CHD9: variants seen among roughly 807,000 people sequenced by gnomAD.
CHD9 encodes the protein ATP-dependent chromatin remodeler CHD9.
CHD9 carries 77 observed loss-of-function variants against 316.1 expected under a neutral mutation model. The observed-to-expected ratio is 0.24, with a 90% confidence interval of 0.20 to 0.29. CHD9 has a LOEUF of 0.29. Among genes scored for constraint, CHD9 ranks in the 10% least tolerant of loss-of-function variants. The pLI, the probability that CHD9 is intolerant of heterozygous loss-of-function variation, is 1.00. For missense variants in CHD9, 2,763 were observed against 3,438.1 expected (o/e 0.80, Z 4.91); for synonymous variants, 1,129 against 1,158.3 (o/e 0.97, Z 0.51).
At chr16:53,095,624 A>G (rs2036312651) in intron 1 of CHD9, among the ~76,000 whole-genome samples, 1 of 152,160 alleles carries the variant, frequency 6.6e-6, no homozygotes, top group South Asian at 2.1e-4. Context: ...CTTTTTTCTC[A>G]TAATATTATG....
intron 2 of CHD9, among the ~76,000 whole-genome samples, chr16:53,184,102 G>A (rs758621626): frequency 6.6e-6 from 1 of 151,836 alleles, no homozygotes; most frequent in African/African-American, 2.4e-5. Flanking sequence ...CCGGCACCAC[G>A]CCCGGCTAAT....
intron 1 of CHD9, among the ~76,000 whole-genome samples, chr16:53,074,817 C>G (rs2152522360): frequency 6.6e-6 from 1 of 152,358 alleles, no homozygotes; most frequent in South Asian, 2.1e-4. Context: ...CTCATGGGAA[C>G]CTCTGCTAGG....
chr16:53,147,814 T>A (rs770915826), intron 1 of CHD9, among the ~76,000 whole-genome samples: 4 of 152,236 alleles, frequency 2.6e-5, no homozygotes, highest in Non-Finnish European at 4.4e-5. Context: ...GTTCTCTGTT[T>A]GAGTCCCTAT....
At chr16:53,061,569 G>T (rs2032907453) in intron 1 of CHD9, among the ~76,000 whole-genome samples, 1 of 152,166 alleles carries the variant, frequency 6.6e-6, no homozygotes, top group Non-Finnish European at 1.5e-5. Flanking sequence ...AGGTGTTGAT[G>T]AGTGAGTTAC....
At chr16:53,247,749 C>G (rs2049757735) in intron 16 of CHD9, 1 of 366,766 alleles carries the variant, frequency 2.7e-6, no homozygotes, top group Admixed American at 4.4e-5. Flanking sequence ...TTTGTTTACC[C>G]AGGAATGGGT....
intron 2 of CHD9, among the ~76,000 whole-genome samples, chr16:53,204,056 TATACAC>T (rs1205556694): frequency 1.4e-4 from 16 of 111,458 alleles, no homozygotes; most frequent in East Asian, 5.5e-4. Flanking sequence ...AAAATATATA[TATACAC>T]ACACACACAC....
chr16:53,149,049 A>G (rs1390518335), intron 1 of CHD9, among the ~76,000 whole-genome samples: 1 of 152,008 alleles, frequency 6.6e-6, no homozygotes, highest in Non-Finnish European at 1.5e-5. Context: ...TAATTTTTAC[A>G]TATTTGTGAT....
At chr16:53,164,258 A>G (rs992231967) in intron 2 of CHD9, among the ~76,000 whole-genome samples, 1 of 152,170 alleles carries the variant, frequency 6.6e-6, no homozygotes, top group Admixed American at 6.5e-5. Flanking sequence ...GGAAGAACCA[A>G]TGCCAAAAGA....
chr16:53,277,155 A>G (rs1439080499), intron 24 of CHD9, among the ~76,000 whole-genome samples: 1 of 152,278 alleles, frequency 6.6e-6, no homozygotes, highest in African/African-American at 2.4e-5. Context: ...CAGATGGATT[A>G]ACAGCTGAAT....
intron 24 of CHD9, among the ~76,000 whole-genome samples, chr16:53,281,166 A>G (rs2053378492): frequency 6.6e-6 from 1 of 151,980 alleles, no homozygotes; most frequent in East Asian, 1.9e-4. Context: ...TTCTCCCAGA[A>G]CTCTTTCTTG....
chr16:53,200,320 A>G (rs1454918920), intron 2 of CHD9, among the ~76,000 whole-genome samples: 3 of 150,648 alleles, frequency 2.0e-5, no homozygotes, highest in African/African-American at 4.9e-5. Context: ...GCAGTGAGCC[A>G]AGATCACACC....
At chr16:53,302,795 A>G (rs763418627) in intron 30 of CHD9, among the ~76,000 whole-genome samples, 1 of 152,168 alleles carries the variant, frequency 6.6e-6, no homozygotes, top group Non-Finnish European at 1.5e-5. Context: ...CATATTTGGC[A>G]TTAGGAGCTG....
In CHD9 at chr16:53,267,287, T is replaced by G. The variant is rs771966317; in HGVS notation, c.4321-7T>G. On this transcript the variant is annotated splice_region_variant and splice_polypyrimidine_tract_variant and intron_variant, in intron 20 of 38. Coordinates refer to ENST00000447540, the MANE Select transcript of CHD9 (RefSeq NM_001308319.2). ...TACCTTCAGGTAATAGCAGTTCTGT[T>G]TTACAGAACAGCTTGGTTATTGACA... 7.6e-6 allele frequency: 12 copies of G among 1,584,584 alleles called. No homozygotes were observed. Among genetic ancestry groups the G allele is most frequent in the Non-Finnish European group, 1.0e-5 (12 of 1,163,686 alleles).
intron 1 of CHD9, among the ~76,000 whole-genome samples, chr16:53,125,222 T>A (rs11075754): frequency 0.054 from 7,642 of 142,276 alleles, 332 homozygotes; most frequent in East Asian, 0.2. Flanking sequence ...GTTAGGATTT[T>A]TTTTTTTTTT....
chr16:53,225,413 AC>A, intron 4 of CHD9, among the ~76,000 whole-genome samples: 1 of 152,312 alleles, frequency 6.6e-6, no homozygotes, highest in East Asian at 1.9e-4. Flanking sequence ...TAAAAAATAA[AC>A]CTAAGCCCTT....
intron 2 of CHD9, among the ~76,000 whole-genome samples, chr16:53,182,273 C>A (rs2043590757): frequency 6.6e-6 from 1 of 152,142 alleles, no homozygotes; most frequent in Admixed American, 6.5e-5. Flanking sequence ...TGGATCACTG[C>A]AGCCTTGATC....
rs1449652867 is a variant in CHD9 at position 53,326,715 on chromosome 16, A to G, written c.*1820A>G. 6.6e-6 allele frequency: 1 copy of G among 152,320 alleles called. No individual in the cohort carries two copies. The highest frequency in any genetic ancestry group is 1.5e-5 in the Non-Finnish European group (1 of 67,872). 9.4% of individuals were successfully genotyped at this position (152,320 alleles called of 1,614,324 possible). Reference sequence around the variant, plus strand: ...ATATTTAGTATCTTCCCTTTGCAGTATTGCACTTTTGTTTAACTAGAATAC... The same window carrying G: ...ATATTTAGTATCTTCCCTTTGCAGTGTTGCACTTTTGTTTAACTAGAATAC... On this transcript the variant is annotated 3_prime_UTR_variant, in exon 39 of 39. Transcript: ENST00000447540.
chr16:53,303,186 T>G (rs1386440875), intron 30 of CHD9, among the ~76,000 whole-genome samples: 2 of 151,866 alleles, frequency 1.3e-5, no homozygotes, highest in South Asian at 4.2e-4. Flanking sequence ...TTATGAGTTT[T>G]TTTTTTTTTT....
intron 31 of CHD9, 27 bp from the exon 32 acceptor site, chr16:53,306,210 A>G: frequency 7.2e-7 from 1 of 1,383,790 alleles, no homozygotes; most frequent in Non-Finnish European, 9.5e-7. Flanking sequence ...AGTCTTTTTA[A>G]AAAATGATTA....
Sources: gnomAD v4.1 joint callset for allele counts (sites outside exome capture counted in the v4.1 genomes callset) on GRCh38, gnomAD v4.1.1 for gene constraint, MANE v1.5 for transcripts, NCBI Gene and HGNC (gene_info 2026-07-23, HGNC 2026-07-21) for gene names.